The following STK3 variants were observed in gnomAD, a reference collection of about 807,000 sequenced individuals.
STK3 encodes serine/threonine-protein kinase 3.
In STK3, 41 loss-of-function variants were observed where a neutral mutation model predicts 58.0. The ratio of observed to expected loss-of-function variants is 0.71; its 90% confidence interval spans 0.55 to 0.92. The LOEUF is 0.92. STK3 is among the 40% of genes least tolerant of loss of function. The pLI is 0.00. For missense variants in STK3, 479 were observed against 602.7 expected (o/e 0.79, Z 2.15); for synonymous variants, 170 against 191.0 (o/e 0.89, Z 0.91).
intron 3 of STK3, among the ~76,000 whole-genome samples, chr8:98,406,217 C>A (rs1483112927): frequency 2.6e-5 from 4 of 151,514 alleles, no homozygotes; most frequent in African/African-American, 9.7e-5. Flanking sequence ...CTTATCTTCC[C>A]CCCAGGCATT....
intron 6 of STK3, among the ~76,000 whole-genome samples, chr8:98,610,538 T>G (rs1421333828): frequency 6.6e-6 from 1 of 152,246 alleles, no homozygotes; most frequent in Non-Finnish European, 1.5e-5. Flanking sequence ...CACACACGTC[T>G]TAGCTCTATC....
rs768234102 is a variant in STK3, at chr8:98,428,816, G to C, written n.483+5311C>G. ...TTTACATCACTCTGGTGGTGAACCT[G>C]GTGGTGGAGAGCACACCTACTTTAG... On this transcript the variant is annotated intron_variant and non_coding_transcript_variant, in intron 3 of 3. Coordinates refer to the STK3 transcript ENST00000517832. The surrounding 1 kb of genome is among the most constrained non-coding windows in gnomAD (Gnocchi z 6.7). 1.9e-5 allele frequency: 31 copies of C among 1,614,080 alleles called. No individual in the cohort carries two copies. Among genetic ancestry groups the C allele is most frequent in the Non-Finnish European group, 2.5e-5 (29 of 1,180,052 alleles).
chr8:98,525,922 A>C (rs1468426180), intron 10 of STK3, among the ~76,000 whole-genome samples: 1 of 151,878 alleles, frequency 6.6e-6, no homozygotes, highest in Non-Finnish European at 1.5e-5. Context: ...CTAAAATTGT[A>C]TTTACTTATC....
intron 10 of STK3, among the ~76,000 whole-genome samples, chr8:98,500,900 T>C (rs922100336): frequency 6.6e-6 from 1 of 152,202 alleles, no homozygotes; most frequent in Admixed American, 6.5e-5. Flanking sequence ...AGTAGCATGA[T>C]TTATAATCCT....
intron 1 of STK3, among the ~76,000 whole-genome samples, chr8:98,888,800 A>T (rs930821370): frequency 7.9e-5 from 12 of 152,268 alleles, no homozygotes; most frequent in Admixed American, 4.6e-4. Flanking sequence ...CTAGCACACC[A>T]GTCACCATTT....
At chr8:98,709,650 A>T (rs974194626) in intron 4 of STK3, among the ~76,000 whole-genome samples, 1 of 152,226 alleles carries the variant, frequency 6.6e-6, no homozygotes, top group Admixed American at 6.5e-5. Context: ...TACAAAATCG[A>T]ACAATGCAAT....
intron 8 of STK3, among the ~76,000 whole-genome samples, chr8:98,572,348 T>C (rs1297127116): frequency 6.6e-6 from 1 of 152,154 alleles, no homozygotes; most frequent in Non-Finnish European, 1.5e-5. Context: ...GTTCATTTAG[T>C]CAAAAATGAA....
At chr8:98,417,624 C>T (rs1818129796) in intron 3 of STK3, among the ~76,000 whole-genome samples, 1 of 152,208 alleles carries the variant, frequency 6.6e-6, no homozygotes, top group Non-Finnish European at 1.5e-5. Context: ...GAACACGGTA[C>T]TCAACCTTTC....
At chr8:98,457,649 C>A (rs544818303) in intron 10 of STK3, among the ~76,000 whole-genome samples, 2 of 152,062 alleles carry the variant, frequency 1.3e-5, no homozygotes, top group Non-Finnish European at 2.9e-5. Context: ...TGTACATACA[C>A]CAAGAAACTA....
chr8:98,635,831 C>A (rs894769692), intron 6 of STK3, among the ~76,000 whole-genome samples: 11 of 152,002 alleles, frequency 7.2e-5, no homozygotes, highest in Non-Finnish European at 1.2e-4. Flanking sequence ...ATCAGAATTT[C>A]TTGGTGGGCT....
At chr8:98,855,519 G>C (rs1564063716) in intron 3 of STK3, among the ~76,000 whole-genome samples, 1 of 152,102 alleles carries the variant, frequency 6.6e-6, no homozygotes, top group East Asian at 1.9e-4. Context: ...ACTCAAAATT[G>C]GTTAGTGACA....
intron 3 of STK3, among the ~76,000 whole-genome samples, chr8:98,870,034 C>T (rs1393955163): frequency 2.0e-5 from 3 of 152,076 alleles, no homozygotes; most frequent in Non-Finnish European, 4.4e-5. Flanking sequence ...GTGATGTTCC[C>T]CACCCTGTGT....
chr8:98,522,733 A>G (rs1825459170), intron 10 of STK3, among the ~76,000 whole-genome samples: 1 of 152,000 alleles, frequency 6.6e-6, no homozygotes, highest in Admixed American at 6.6e-5. Context: ...GAGAACCAAC[A>G]TTTTATTTTC....
intron 3 of STK3, among the ~76,000 whole-genome samples, chr8:98,870,985 T>G (rs1489804561): frequency 2.0e-5 from 3 of 152,214 alleles, no homozygotes; most frequent in Non-Finnish European, 2.9e-5. Context: ...GGTCTAACAT[T>G]TAAGTCTTTA....
At chr8:98,822,865 C>G (rs1376301715) in intron 1 of STK3, among the ~76,000 whole-genome samples, 1 of 152,146 alleles carries the variant, frequency 6.6e-6, no homozygotes, top group Non-Finnish European at 1.5e-5. Flanking sequence ...GTTGTCTCTA[C>G]TAAAACACAA....
Position 98,548,075 on chromosome 8 carries a change from T to C in STK3, c.1035A>G (p.Glu345=). The C allele has an allele frequency of 6.2e-7, 1 of 1,609,838 alleles. No homozygotes were observed. The highest frequency in any genetic ancestry group is 8.5e-7 in the Non-Finnish European group (1 of 1,178,146). Residue 345 remains glutamate (E), a synonymous_variant, in exon 9 of 11, where the codon GAA becomes GAG. Coordinates refer to ENST00000419617, the MANE Select transcript of STK3 (RefSeq NM_006281.4). ...GTMRATSTMS[E]GAQTMIEHNS... Reference sequence around the variant, plus strand: ...TATGTTCAATCATGGTCTGGGCCCCTTCACTCATCGTGCTTGTGGCCCGCA... The same window carrying C: ...TATGTTCAATCATGGTCTGGGCCCCCTCACTCATCGTGCTTGTGGCCCGCA...
chr8:98,450,311 C>T (rs1226846631), downstream of STK3, among the ~76,000 whole-genome samples: 1 of 152,176 alleles, frequency 6.6e-6, no homozygotes, highest in Non-Finnish European at 1.5e-5. Context: ...AAACATGGCA[C>T]TAAACTAAAA....
At chr8:98,876,818 T>C (rs1837576511) in intron 3 of STK3, among the ~76,000 whole-genome samples, 1 of 152,236 alleles carries the variant, frequency 6.6e-6, no homozygotes, top group South Asian at 2.1e-4. Flanking sequence ...AGCAACCCTG[T>C]CTATTGCTGA....
intron 1 of STK3, among the ~76,000 whole-genome samples, chr8:98,887,875 G>A (rs1255292366): frequency 6.6e-6 from 1 of 152,176 alleles, no homozygotes; most frequent in Non-Finnish European, 1.5e-5. Context: ...AGAACACATG[G>A]CTCGAGGCAT....
Sources: allele counts gnomAD v4.1 joint callset (sites outside exome capture counted in the v4.1 genomes callset), GRCh38; gene constraint gnomAD v4.1.1; non-coding constraint Gnocchi (gnomAD v3.1); transcripts MANE v1.5; gene names NCBI Gene and HGNC (gene_info 2026-07-23, HGNC 2026-07-21).